TAOK1: variants seen among roughly 807,000 people sequenced by gnomAD.
The protein encoded by TAOK1 is TAO kinase 1.
A neutral mutation model predicts 138.3 loss-of-function variants in TAOK1; 21 were observed. The ratio of observed to expected loss-of-function variants is 0.15; its 90% CI spans 0.11 to 0.22. The LOEUF is 0.22. Among genes scored for constraint, TAOK1 ranks in the 10% least tolerant of loss-of-function variants. TAOK1 has a pLI of 1.00. For synonymous variants in TAOK1, 361 were observed against 398.4 expected, an observed-to-expected ratio of 0.91 and a Z score of 1.12; for missense variants, 651 against 1,227.7, an observed-to-expected ratio of 0.53 and a Z score of 7.02.
At chr17:29,442,361 T>A (rs1480786177) in intron 1 of TAOK1, among the ~76,000 whole-genome samples, 2 of 151,824 alleles carry the variant, frequency 1.3e-5, no homozygotes, top group East Asian at 3.8e-4. Flanking sequence ...CCAGCCACTT[T>A]TTCTCTTTTT....
At chr17:29,425,138 C>T (rs1035085462) in intron 1 of TAOK1, among the ~76,000 whole-genome samples, 1 of 152,106 alleles carries the variant, frequency 6.6e-6, no homozygotes, top group Non-Finnish European at 1.5e-5. Flanking sequence ...GGCACGATCC[C>T]GGCTCACTGT....
intron 6 of TAOK1, 102 bp from the exon 7 acceptor site, chr17:29,480,266 A>T (rs2031033230): frequency 1.3e-6 from 1 of 765,864 alleles, no homozygotes; most frequent in African/African-American, 1.8e-5. Flanking sequence ...AATTATTTTG[A>T]TTTCTCTTTC....
At chr17:29,467,120 GCTT>G (rs761642573) in intron 2 of TAOK1, 22 bp from the exon 3 acceptor site, 4 of 1,536,506 alleles carry the variant, frequency 2.6e-6, no homozygotes, top group African/African-American at 1.4e-5. Context: ...TTTTTACAGT[GCTT>G]CTTTCTTTCT....
At chr17:29,458,231 T>C (rs2153024882) in intron 2 of TAOK1, among the ~76,000 whole-genome samples, 1 of 152,374 alleles carries the variant, frequency 6.6e-6, no homozygotes, top group Non-Finnish European at 1.5e-5. Flanking sequence ...AAAGTTGCTG[T>C]GAACAATTCA....
At chr17:29,510,823 C>T (rs2031706965) in intron 14 of TAOK1, 41 bp from the exon 15 acceptor site, 1 of 1,454,882 alleles carries the variant, frequency 6.9e-7, no homozygotes, top group Admixed American at 2.3e-5. Context: ...ACTACTTTAT[C>T]TACTTAACTA....
intron 1 of TAOK1, among the ~76,000 whole-genome samples, chr17:29,424,382 A>T (rs1905564072): frequency 7.1e-6 from 1 of 141,642 alleles, no homozygotes; most frequent in African/African-American, 2.7e-5. Context: ...GCTTGGAGTG[A>T]CCCAAGATCC....
At chr17:29,501,572 C>A (rs1424125646) in intron 12 of TAOK1, among the ~76,000 whole-genome samples, 1 of 152,086 alleles carries the variant, frequency 6.6e-6, no homozygotes, top group Non-Finnish European at 1.5e-5. Context: ...GGACAGATGG[C>A]AGAAGTATTA....
At chr17:29,511,621 C>T (rs2031721853) in intron 15 of TAOK1, 1 of 152,300 alleles carries the variant, frequency 6.6e-6, no homozygotes, top group African/African-American at 2.4e-5. Context: ...TCATAGCTCA[C>T]TGCAGCTTCG....
intron 3 of TAOK1, among the ~76,000 whole-genome samples, chr17:29,475,457 T>C (rs113293705): frequency 0.037 from 5,606 of 152,126 alleles, 364 homozygotes; most frequent in African/African-American, 0.13. Flanking sequence ...GGAGGATCAC[T>C]TGAGCCCACA....
chr17:29,429,631 G>A (rs1905763256), intron 1 of TAOK1, among the ~76,000 whole-genome samples: 1 of 152,132 alleles, frequency 6.6e-6, no homozygotes, highest in Non-Finnish European at 1.5e-5. Context: ...ATGCTAACAA[G>A]TTAACATTGT....
intron 2 of TAOK1, among the ~76,000 whole-genome samples, chr17:29,463,976 T>C (rs2030593734): frequency 6.6e-6 from 1 of 152,194 alleles, no homozygotes; most frequent in African/African-American, 2.4e-5. Flanking sequence ...TCAACCTCAT[T>C]AGTCATGAAT....
chr17:29,495,667 G>A lies in TAOK1; in HGVS notation c.939G>A (p.Lys313=). ...ACAATCTGCAGTATCGAAAGATGAA[G>A]AAACTCCTTTTCCAGGAGGCACATA... The part of the protein sequence containing the change: ...ELDNLQYRKM[K]KLLFQEAHNG... The change falls in exon 11 of 20, where the codon AAG becomes AAA. Residue 313 remains lysine (K), a synonymous_variant. Coordinates refer to ENST00000261716, the MANE Select transcript of TAOK1 (RefSeq NM_020791.4). The A allele has an allele frequency of 6.2e-7, 1 of 1,610,994 alleles. No individual in the cohort carries two copies. Among genetic ancestry groups the A allele is most frequent in the Non-Finnish European group, 8.5e-7 (1 of 1,177,934 alleles).
intron 13 of TAOK1, among the ~76,000 whole-genome samples, chr17:29,503,270 C>T (rs1356739227): frequency 6.6e-6 from 1 of 151,824 alleles, no homozygotes; most frequent in South Asian, 2.1e-4. Flanking sequence ...GTGGCAGGAG[C>T]CTGTAGTCCC....
chr17:29,522,644 ATCT>A, intron 17 of TAOK1, 125 bp downstream of exon 17: 1 of 1,386,770 alleles, frequency 7.2e-7, no homozygotes, highest in Admixed American at 2.3e-5. Context: ...CATTTTTAGC[ATCT>A]TTGGTTGACT....
intron 1 of TAOK1, among the ~76,000 whole-genome samples, chr17:29,418,410 ACC>A (rs1905321801): frequency 1.3e-5 from 2 of 151,300 alleles, no homozygotes; most frequent in African/African-American, 4.9e-5. Flanking sequence ...CTTGCATGTT[ACC>A]CAAGCTGGTC....
At chr17:29,523,445 C>A (rs1298268256) in intron 17 of TAOK1, among the ~76,000 whole-genome samples, 1 of 152,216 alleles carries the variant, frequency 6.6e-6, no homozygotes, top group South Asian at 2.1e-4. Context: ...TGGAGTGCAG[C>A]GGCATGATCT....
intron 1 of TAOK1, among the ~76,000 whole-genome samples, chr17:29,403,043 C>T (rs1411061650): frequency 6.6e-6 from 1 of 150,822 alleles, no homozygotes. Context: ...CACCTGCAAT[C>T]CCAGCTACTA....
chr17:29,478,733 A>T (rs896540270), intron 6 of TAOK1, among the ~76,000 whole-genome samples: 1 of 152,190 alleles, frequency 6.6e-6, no homozygotes, highest in African/African-American at 2.4e-5. Flanking sequence ...TGCAAAGCTG[A>T]GTAGATAGAG....
At chr17:29,541,658 C>T (rs2032319072) in intron 19 of TAOK1, among the ~76,000 whole-genome samples, 1 of 150,646 alleles carries the variant, frequency 6.6e-6, no homozygotes, top group African/African-American at 2.4e-5. Context: ...TGCCTGTAAT[C>T]CCAGCTACAT....
Sources: allele counts gnomAD v4.1 joint callset (sites outside exome capture counted in the v4.1 genomes callset), GRCh38; gene constraint gnomAD v4.1.1; transcripts MANE v1.5; gene names NCBI Gene and HGNC (gene_info 2026-07-23, HGNC 2026-07-21).